LNX1: variants seen among roughly 807,000 people sequenced by gnomAD.
The protein encoded by LNX1 is E3 ubiquitin-protein ligase LNX.
In LNX1, 54 loss-of-function variants were observed where a neutral mutation model predicts 68.4. The observed-to-expected ratio is 0.79, with a 90% CI of 0.63 to 0.99. The LOEUF is 0.99. Among genes scored for constraint, LNX1 ranks in the 50% least tolerant of loss-of-function variants. The pLI is 0.00. For synonymous variants in LNX1, 336 were observed against 350.0 expected, an observed-to-expected ratio of 0.96 and a Z score of 0.45; for missense variants, 906 against 926.4, an observed-to-expected ratio of 0.98 and a Z score of 0.29.
At position 53,605,637 on chromosome 4, in the gene LNX1, TCA is replaced by T. The variant is rs1733198583; in HGVS notation, c.-215+10878_-215+10879del. Among the ~76,000 whole-genome samples the T allele has an allele frequency of 2.6e-5, 4 of 152,314 alleles. No homozygotes were observed. The East Asian group carries it at 7.7e-4, about 29-fold the overall frequency. On this transcript the variant is annotated intron_variant, in intron 2 of 3. Transcript: ENST00000504299. ...ATCATTATACTCTGTTTCTCTGTAT[TCA>T]TGTTTTTTTTAAAATTCCATATATA...
intron 2 of LNX1, among the ~76,000 whole-genome samples, chr4:53,545,910 C>T (rs1483853756): frequency 6.7e-6 from 1 of 149,710 alleles, no homozygotes; most frequent in African/African-American, 2.5e-5. Context: ...CAGGTTCAAG[C>T]AATTCTCCCG....
At chr4:53,636,533 C>T (rs1445902439) in intron 1 of LNX1, among the ~76,000 whole-genome samples, 1 of 152,040 alleles carries the variant, frequency 6.6e-6, no homozygotes, top group African/African-American at 2.4e-5. Flanking sequence ...AGTATCAGGT[C>T]CTTGAACCAT....
chr4:53,607,164 G>A (rs1397219507), intron 2 of LNX1, among the ~76,000 whole-genome samples: 1 of 152,178 alleles, frequency 6.6e-6, no homozygotes, highest in African/African-American at 2.4e-5. Flanking sequence ...AAGAGAGGAA[G>A]TCGAACTATC....
chr4:53,611,229 A>G (rs765654628), intron 2 of LNX1, among the ~76,000 whole-genome samples: 22 of 152,284 alleles, frequency 1.4e-4, no homozygotes, highest in Non-Finnish European at 2.2e-4. Flanking sequence ...TGAAAAAAAA[A>G]GTCTAAAATA....
At chr4:53,635,609 A>G (rs1734441712) in intron 1 of LNX1, among the ~76,000 whole-genome samples, 1 of 152,190 alleles carries the variant, frequency 6.6e-6, no homozygotes, top group African/African-American at 2.4e-5. Context: ...AAAAATGTCT[A>G]TTGGGAAGTA....
At chr4:53,528,979 G>T (rs1727824496) in intron 2 of LNX1, among the ~76,000 whole-genome samples, 1 of 152,066 alleles carries the variant, frequency 6.6e-6, no homozygotes, top group South Asian at 2.1e-4. Context: ...AAGCAGAATA[G>T]CCCAATACAG....
intron 4 of LNX1, among the ~76,000 whole-genome samples, chr4:53,501,543 C>G (rs958765633): frequency 9.9e-5 from 15 of 152,120 alleles, no homozygotes; most frequent in African/African-American, 3.4e-4. Flanking sequence ...CTTTGGCCTC[C>G]AAGTGCTAGG....
At chr4:53,576,204 C>T in intron 1 of LNX1, 1 of 1,592,814 alleles carries the variant, frequency 6.3e-7, no homozygotes, top group Non-Finnish European at 8.5e-7. Flanking sequence ...TGACAATCTC[C>T]ACCAGTGCCC....
chr4:53,543,291 T>C (rs1275329926), intron 2 of LNX1, among the ~76,000 whole-genome samples: 1 of 152,254 alleles, frequency 6.6e-6, no homozygotes, highest in Non-Finnish European at 1.5e-5. Flanking sequence ...GCTTTATTTA[T>C]TTCATGCCAC....
At chr4:53,581,783 G>A (rs1731854897) in intron 1 of LNX1, among the ~76,000 whole-genome samples, 1 of 152,172 alleles carries the variant, frequency 6.6e-6, no homozygotes, top group Non-Finnish European at 1.5e-5. Context: ...AGATTTGGGT[G>A]GGGACGCAGC....
At chr4:53,621,967 G>GT (rs1374210419), upstream of LNX1, among the ~76,000 whole-genome samples, 8 of 152,150 alleles carry the variant, frequency 5.3e-5, no homozygotes, top group South Asian at 6.2e-4. Flanking sequence ...CTGCCAATAG[G>GT]TTTTTTTAAG....
chr4:53,528,852 A>G (rs928316963), intron 2 of LNX1, among the ~76,000 whole-genome samples: 7 of 152,182 alleles, frequency 4.6e-5, no homozygotes, highest in African/African-American at 1.7e-4. Flanking sequence ...ATCCATAGCC[A>G]AAGGTATTGG....
chr4:53,569,643 A>C (rs1291864004), intron 2 of LNX1, among the ~76,000 whole-genome samples: 8 of 151,706 alleles, frequency 5.3e-5, no homozygotes, highest in African/African-American at 1.9e-4. Context: ...CAATGGCAAC[A>C]AAAGACAAAA....
rs538645008 is a variant in LNX1 at position 53,495,430 on chromosome 4, G to C, written c.1350+593C>G. On this transcript the variant is annotated intron_variant, in intron 6 of 10. Coordinates refer to ENST00000263925, the MANE Select transcript of LNX1 (RefSeq NM_001126328.3). ...AAGAATTTGCGTCCCTCTCTTCTTA[G>C]GGGGCTTCCTCTCAGGTTCATACTT... Among the ~76,000 whole-genome samples the C allele has an allele frequency of 2.6e-5, 4 of 152,238 alleles. No individual in the cohort carries two copies. In the East Asian group the frequency reaches 5.8e-4, roughly 22 times the overall value.
At chr4:53,477,337 G>A (rs1723630267) in intron 8 of LNX1, among the ~76,000 whole-genome samples, 1 of 152,168 alleles carries the variant, frequency 6.6e-6, no homozygotes, top group Non-Finnish European at 1.5e-5. Context: ...CATAAAGTAG[G>A]AGGATTTGGC....
chr4:53,606,486 C>CAA (rs34922679), intron 2 of LNX1, among the ~76,000 whole-genome samples: 1 of 150,706 alleles, frequency 6.6e-6, no homozygotes, highest in African/African-American at 2.4e-5. Context: ...AAAAAACAAA[C>CAA]AAAAAAAAAA....
At chr4:53,475,106 A>G (rs1307402141) in intron 9 of LNX1, among the ~76,000 whole-genome samples, 2 of 152,236 alleles carry the variant, frequency 1.3e-5, no homozygotes, top group African/African-American at 4.8e-5. Context: ...TGCCATGCCC[A>G]AGGGCAAATG....
intron 2 of LNX1, among the ~76,000 whole-genome samples, chr4:53,608,617 T>C (rs1733324935): frequency 1.3e-5 from 2 of 152,158 alleles, no homozygotes; most frequent in South Asian, 4.1e-4. Flanking sequence ...TTTGGGTATA[T>C]ACCAGAAGGA....
chr4:53,464,051 G>GTAT (rs148465178), intron 9 of LNX1, among the ~76,000 whole-genome samples: 2,563 of 152,164 alleles, frequency 0.017, 31 homozygotes, highest in Non-Finnish European at 0.027. Context: ...TTGCTAAGTG[G>GTAT]TATTAGAATA....
Sources: gnomAD v4.1 joint callset for allele counts (sites outside exome capture counted in the v4.1 genomes callset) on GRCh38, gnomAD v4.1.1 for gene constraint, MANE v1.5 for transcripts, NCBI Gene and HGNC (gene_info 2026-07-23, HGNC 2026-07-21) for gene names.